SLC6A5: variants seen among roughly 807,000 people sequenced by gnomAD.
SLC6A5 encodes sodium- and chloride-dependent glycine transporter 2.
SLC6A5 carries 58 observed loss-of-function variants against 90.5 expected under a neutral mutation model. The observed-to-expected ratio is 0.64, with a 90% confidence interval of 0.52 to 0.80. The LOEUF is 0.80. Among genes scored for constraint, SLC6A5 ranks in the 30% least tolerant of loss-of-function variants. The probability of loss-of-function intolerance (pLI) is 0.00; values close to 1 mark genes in which losing one functional copy is unlikely to be tolerated. For synonymous variants in SLC6A5, 427 were observed against 401.4 expected, an observed-to-expected ratio of 1.06 and a Z score of -0.76; for missense variants, 1,015 against 1,017.6, an observed-to-expected ratio of 1.00 and a Z score of 0.03.
In SLC6A5 at chr11:20,601,458, C is replaced by T; in HGVS notation, c.333C>T (p.Ser111=). The T allele has an allele frequency of 6.2e-7, 1 of 1,609,914 alleles. No individual in the cohort carries two copies. Among genetic ancestry groups the T allele is most frequent in the South Asian group, 1.1e-5 (1 of 90,436 alleles). ...QGAQASPPPG[S]SGPGNALHCK... The stretch of plus-strand genomic sequence containing the variant: ...CGCAGGCCTCGCCCCCTCCCGGGAG[C>T]TCCGGGCCCGGCAACGCGCTGCACT... Residue 111 remains serine, a synonymous_variant, in exon 2 of 16, where the codon AGC becomes AGT. Coordinates refer to ENST00000525748, the MANE Select transcript of SLC6A5 (RefSeq NM_004211.5).
chr11:20,620,673 G>T (rs1852872504), intron 7 of SLC6A5, among the ~76,000 whole-genome samples: 1 of 152,218 alleles, frequency 6.6e-6, no homozygotes, highest in South Asian at 2.1e-4. Flanking sequence ...TGTAGAGAGA[G>T]AGACTGAGGC....
chr11:20,607,450 A>G (rs1565272838), intron 4 of SLC6A5, 29 bp from the exon 5 acceptor site: 1 of 1,613,658 alleles, frequency 6.2e-7, no homozygotes. Flanking sequence ...TTAAGATGGA[A>G]TGAACCCCTG....
At chr11:20,616,308 G>A (rs989046474) in intron 6 of SLC6A5, among the ~76,000 whole-genome samples, 14 of 152,210 alleles carry the variant, frequency 9.2e-5, no homozygotes, top group African/African-American at 3.1e-4. Context: ...GAGCAACTGA[G>A]TCTGACCTGG....
At position 20,627,931 on chromosome 11, in the gene SLC6A5, C is replaced by T. The variant is rs201542296; in HGVS notation, c.1396-49C>T. 863 of 1,422,744 alleles carry T rather than the reference C, an allele frequency of 6.1e-4. 3 individuals carry two copies. In the African/African-American group the frequency reaches 6.4e-3, roughly 11 times the overall value. The allele number at this position is 1,422,744 out of a possible 1,614,324, so 88.1% of individuals were successfully genotyped here. ...TGGGTGTGTGACTCCTCTCCCCTGGCGCCAGTCTCCTTCATGGGTCTTGAA... is the reference window on the plus strand; with the variant it reads ...TGGGTGTGTGACTCCTCTCCCCTGGTGCCAGTCTCCTTCATGGGTCTTGAA... On this transcript the variant is annotated intron_variant, in intron 8 of 15. Coordinates refer to ENST00000525748, the MANE Select transcript of SLC6A5 (RefSeq NM_004211.5).
At chr11:20,618,766 G>A (rs867872722) in intron 7 of SLC6A5, among the ~76,000 whole-genome samples, 3 of 152,074 alleles carry the variant, frequency 2.0e-5, no homozygotes, top group East Asian at 1.9e-4. Context: ...GTGAAACCCC[G>A]TCTCTATGAA....
At chr11:20,631,650 T>A (rs1487019586) in intron 10 of SLC6A5, among the ~76,000 whole-genome samples, 1 of 147,402 alleles carries the variant, frequency 6.8e-6, no homozygotes, top group Non-Finnish European at 1.5e-5. Flanking sequence ...TGTTTACCAT[T>A]ATGATCTCAT....
At chr11:20,624,896 C>T (rs1263579921) in intron 7 of SLC6A5, among the ~76,000 whole-genome samples, 1 of 152,200 alleles carries the variant, frequency 6.6e-6, no homozygotes, top group Non-Finnish European at 1.5e-5. Context: ...GCCTGTTCCA[C>T]TTTGTGTGGA....
In SLC6A5 at chr11:20,635,396, G is replaced by GCGC. The variant is rs533325501; in HGVS notation, c.1625-906_1625-904dup. Reference sequence around the variant, plus strand: ...TCTTAACCCTTACATGATGTTTCATGCGCCGCCCCCCCGCAACCCGACTAA... The same window carrying GCGC: ...TCTTAACCCTTACATGATGTTTCATGCGCCGCCGCCCCCCCGCAACCCGACTAA... On this transcript the variant is annotated intron_variant, in intron 10 of 15. Coordinates refer to ENST00000525748, the MANE Select transcript of SLC6A5 (RefSeq NM_004211.5). 7.2e-5 allele frequency among the ~76,000 whole-genome samples: 10 copies of GCGC among 139,812 alleles called. No homozygotes were observed. The East Asian group carries it at 2.0e-3, about 27-fold the overall frequency. 91.7% of individuals were successfully genotyped at this position (139,812 alleles called of 152,430 possible).
Position 20,636,306 on chromosome 11 carries a change from G to T in SLC6A5, c.1625-1G>T. 6.2e-7 allele frequency: 1 copy of T among 1,600,626 alleles called. No individual in the cohort carries two copies. The highest frequency in any genetic ancestry group is 1.1e-5 in the South Asian group (1 of 90,824). ...GCAATCATCTGTCTTGTTCCTTCCA[G>T]GGCCAGGCATTGCATTTGTGGTTTA... On this transcript the variant is annotated splice_acceptor_variant, in intron 10 of 15. Transcript: ENST00000525748. LOFTEE classifies it high-confidence loss of function.
intron 14 of SLC6A5, among the ~76,000 whole-genome samples, chr11:20,651,850 T>C (rs1335689751): frequency 6.6e-6 from 1 of 151,620 alleles, no homozygotes; most frequent in Non-Finnish European, 1.5e-5. Flanking sequence ...GAGGTTGCAG[T>C]AGCTGAGATC....
chr11:20,643,820 G>T (rs1482660960), intron 13 of SLC6A5, among the ~76,000 whole-genome samples: 2 of 152,154 alleles, frequency 1.3e-5, no homozygotes, highest in East Asian at 1.9e-4. Context: ...GAGGCTTGGC[G>T]GCCCTCCATG....
At chr11:20,599,793 G>A (rs1852423172) in intron 1 of SLC6A5, 118 bp downstream of exon 1, 3 of 1,179,390 alleles carry the variant, frequency 2.5e-6, no homozygotes, top group East Asian at 2.3e-5. Context: ...GAAAGGGGGC[G>A]ACGAGGAGAA....
intron 13 of SLC6A5, among the ~76,000 whole-genome samples, chr11:20,640,959 TATC>T (rs1172389933): frequency 1.3e-5 from 2 of 152,234 alleles, no homozygotes; most frequent in African/African-American, 2.4e-5. Flanking sequence ...TTCTAGAGGA[TATC>T]ATCCAAACAT....
chr11:20,649,492 C>G (rs1853482678), intron 14 of SLC6A5, among the ~76,000 whole-genome samples: 2 of 152,118 alleles, frequency 1.3e-5, no homozygotes, highest in Admixed American at 1.3e-4. Flanking sequence ...GACAAATTTG[C>G]CCGGGTAAGT....
intron 13 of SLC6A5, among the ~76,000 whole-genome samples, chr11:20,643,219 C>A (rs1424441865): frequency 6.9e-6 from 1 of 144,754 alleles, no homozygotes; most frequent in Non-Finnish European, 1.5e-5. Flanking sequence ...TTTCTAGAAT[C>A]TCTCTCTCTT....
At chr11:20,602,920 G>C (rs1418820452) in intron 2 of SLC6A5, among the ~76,000 whole-genome samples, 1 of 152,200 alleles carries the variant, frequency 6.6e-6, no homozygotes, top group Non-Finnish European at 1.5e-5. Context: ...CTTAACCTCC[G>C]CACTGCGGCA....
chr11:20,614,712 A>G lies in SLC6A5; in HGVS notation c.1019A>G (p.Gln340Arg). ...GTTATCAGTGACCATCCCAAAATAC[A>G]GATCAAGAACTCGACTTTCTGCATG... is the stretch of plus-strand genomic sequence containing the variant. ...SCVISDHPKIQIKNSTFCMTA... is the reference protein window; with the variant it reads ...SCVISDHPKIRIKNSTFCMTA... The change falls in exon 6 of 16, where the codon CAG becomes CGG. Residue 340 changes from glutamine to arginine, a missense_variant. This residue lies in a region of SLC6A5 where 567 missense variants were observed against 507.3 expected (regional missense o/e 1.12). Coordinates refer to ENST00000525748, the MANE Select transcript of SLC6A5 (RefSeq NM_004211.5). 6.2e-7 allele frequency: 1 copy of G among 1,613,992 alleles called. No homozygotes were observed. Among genetic ancestry groups the G allele is most frequent in the Non-Finnish European group, 8.5e-7 (1 of 1,179,806 alleles).
chr11:20,633,490 A>C (rs1299167156), intron 10 of SLC6A5, among the ~76,000 whole-genome samples: 1 of 152,230 alleles, frequency 6.6e-6, no homozygotes, highest in African/African-American at 2.4e-5. Flanking sequence ...TAGTTATCAC[A>C]GCAGAGTGGC....
chr11:20,636,131 A>G (rs972773727), intron 10 of SLC6A5, among the ~76,000 whole-genome samples, 176 bp from the exon 11 acceptor site: 3 of 152,162 alleles, frequency 2.0e-5, no homozygotes, highest in African/African-American at 7.2e-5. Flanking sequence ...TTCCCCTTCA[A>G]GGAGCCTAAG....
Sources: allele counts gnomAD v4.1 joint callset (sites outside exome capture counted in the v4.1 genomes callset), GRCh38; gene constraint gnomAD v4.1.1; regional missense constraint gnomAD v4.1.1; transcripts MANE v1.5; gene names NCBI Gene and HGNC (gene_info 2026-07-23, HGNC 2026-07-21).